CAST: variants seen among roughly 807,000 people sequenced by gnomAD.
CAST encodes MIR583 host.
In CAST, 76 loss-of-function variants were observed where a neutral mutation model predicts 119.6. The observed-to-expected ratio is 0.64, with a 90% confidence interval of 0.53 to 0.77. The LOEUF (loss-of-function observed/expected upper bound fraction) is 0.77. Among genes scored for constraint, CAST ranks in the 30% least tolerant of loss-of-function variants. The pLI, the probability that CAST is intolerant of heterozygous loss-of-function variation, is 0.00. For synonymous variants in CAST, 319 were observed against 331.6 expected, an observed-to-expected ratio of 0.96 and a Z score of 0.41; for missense variants, 953 against 946.5, an observed-to-expected ratio of 1.01 and a Z score of -0.09.
the CAST span, among the ~76,000 whole-genome samples, chr5:96,179,933 G>A: frequency 6.6e-6 from 1 of 152,090 alleles, no homozygotes; most frequent in East Asian, 1.9e-4. Flanking sequence ...CTACTCCAGA[G>A]GCTGAGGCAG....
chr5:95,990,846 C>T, the CAST span, among the ~76,000 whole-genome samples: 2 of 152,022 alleles, frequency 1.3e-5, no homozygotes, highest in Non-Finnish European at 2.9e-5. Context: ...TCAAGTGATA[C>T]TCCCACCTCA....
chr5:96,030,786 C>A, the CAST span, among the ~76,000 whole-genome samples: 1 of 152,096 alleles, frequency 6.6e-6, no homozygotes, highest in South Asian at 2.1e-4. Context: ...TAGCTCATGC[C>A]TGTAATCCTA....
the CAST span, among the ~76,000 whole-genome samples, chr5:96,511,168 C>T: frequency 3.2e-4 from 49 of 152,230 alleles, no homozygotes; most frequent in African/African-American, 9.9e-4. Flanking sequence ...TTTTTTTAGA[C>T]GGAATCTCGC....
the CAST span, among the ~76,000 whole-genome samples, chr5:96,258,884 G>A: frequency 1.3e-5 from 2 of 152,190 alleles, no homozygotes; most frequent in East Asian, 3.9e-4. Flanking sequence ...AATCTTATAT[G>A]ATGAGTTAAT....
the CAST span, among the ~76,000 whole-genome samples, chr5:96,476,541 C>T: frequency 1.3e-5 from 2 of 152,126 alleles, no homozygotes; most frequent in Non-Finnish European, 2.9e-5. Flanking sequence ...CTCTTTGACT[C>T]GGCCTTTCTT....
At chr5:96,732,034 G>A (rs1184510705) in intron 9 of CAST, among the ~76,000 whole-genome samples, 2 of 151,556 alleles carry the variant, frequency 1.3e-5, no homozygotes, top group African/African-American at 4.9e-5. Context: ...GGGATGGCTA[G>A]GTCAAATGGT....
intron 20 of CAST, 55 bp downstream of exon 20, chr5:96,750,737 C>A (rs1288269154): frequency 1.1e-6 from 1 of 939,214 alleles, no homozygotes; most frequent in Admixed American, 1.7e-5. Context: ...TCTGCCTCCT[C>A]CTGTCACTCT....
chr5:96,118,657 G>A, the CAST span, among the ~76,000 whole-genome samples: 2 of 141,128 alleles, frequency 1.4e-5, no homozygotes, highest in Non-Finnish European at 3.0e-5. Context: ...GGTCCATTGT[G>A]TTCGTGGACT....
At chr5:96,714,948 A>C (rs1288371037) in intron 3 of CAST, 1 of 147,036 alleles carries the variant, frequency 6.8e-6, no homozygotes, top group Non-Finnish European at 1.5e-5. Flanking sequence ...ATCAGAGCTC[A>C]TAATCAGACC....
the CAST span, among the ~76,000 whole-genome samples, chr5:96,430,202 T>C: frequency 6.6e-6 from 1 of 152,232 alleles, no homozygotes; most frequent in Non-Finnish European, 1.5e-5. Context: ...TCCGGGTATC[T>C]ATTGACATCT....
chr5:96,533,062 C>A (rs547808047), intron 1 of CAST, among the ~76,000 whole-genome samples: 2 of 151,900 alleles, frequency 1.3e-5, no homozygotes, highest in South Asian at 4.2e-4. Context: ...AAAATAGAAT[C>A]ATCTTCTTGC....
chr5:96,371,604 T>C, the CAST span, among the ~76,000 whole-genome samples: 14 of 152,232 alleles, frequency 9.2e-5, no homozygotes, highest in Admixed American at 8.5e-4. Context: ...TCTCTTTCAC[T>C]CACTGGACTG....
intron 1 of CAST, among the ~76,000 whole-genome samples, chr5:96,563,258 C>T (rs1298670639): frequency 6.6e-6 from 1 of 152,128 alleles, no homozygotes; most frequent in Non-Finnish European, 1.5e-5. Flanking sequence ...CTTGTGAAGG[C>T]TCCAATGTCA....
At chr5:96,569,953 G>C (rs138217040) in intron 1 of CAST, among the ~76,000 whole-genome samples, 1 of 152,110 alleles carries the variant, frequency 6.6e-6, no homozygotes, top group African/African-American at 2.4e-5. Flanking sequence ...GTGGCACCTG[G>C]AGCTCAATCA....
At chr5:96,730,752 T>C (rs548555646) in intron 8 of CAST, 28 bp from the exon 9 acceptor site, 6 of 1,551,036 alleles carry the variant, frequency 3.9e-6, no homozygotes, top group South Asian at 3.3e-5. Context: ...TACTTAGCTC[T>C]GTCAACCTTT....
chr5:96,139,503 T>TAC, the CAST span, among the ~76,000 whole-genome samples: 29 of 143,812 alleles, frequency 2.0e-4, no homozygotes, highest in African/African-American at 7.5e-4. Context: ...CATATATATA[T>TAC]ACACATATAT....
the CAST span, among the ~76,000 whole-genome samples, chr5:96,153,244 G>C: frequency 6.6e-6 from 1 of 152,186 alleles, no homozygotes; most frequent in Non-Finnish European, 1.5e-5. Context: ...TAGACCTGGA[G>C]TCTGGGACCC....
At chr5:96,027,577 A>G in the CAST span, among the ~76,000 whole-genome samples, 1 of 152,156 alleles carries the variant, frequency 6.6e-6, no homozygotes, top group Non-Finnish European at 1.5e-5. Flanking sequence ...TTAAATTAAA[A>G]ATAACAATGT....
chr5:96,672,071 A>T (rs1026060170), intron 1 of CAST, among the ~76,000 whole-genome samples: 1 of 152,238 alleles, frequency 6.6e-6, no homozygotes, highest in Non-Finnish European at 1.5e-5. Context: ...TTAGGGTGAT[A>T]ATAGTATTGG....
Sources: allele counts gnomAD v4.1 joint callset (sites outside exome capture counted in the v4.1 genomes callset), GRCh38; gene constraint gnomAD v4.1.1; transcripts MANE v1.5; gene names NCBI Gene and HGNC (gene_info 2026-07-23, HGNC 2026-07-21).